The following KDM6A variants were observed in gnomAD, a reference collection of about 807,000 sequenced individuals.
The protein encoded by KDM6A is lysine-specific demethylase 6A.
KDM6A carries 11 observed loss-of-function variants against 117.6 expected under a neutral mutation model. That is an observed-to-expected ratio of 0.09 (90% CI 0.06 to 0.15). The LOEUF is 0.15. Among genes scored for constraint, KDM6A ranks in the 10% least tolerant of loss-of-function variants. KDM6A has a pLI of 1.00. For synonymous variants in KDM6A, 384 were observed against 396.1 expected, an observed-to-expected ratio of 0.97 and a Z score of 0.36; for missense variants, 799 against 1,077.3, an observed-to-expected ratio of 0.74 and a Z score of 3.62.
At chrX:44,993,423 T>C (rs1460765182) in intron 4 of KDM6A, among the ~76,000 whole-genome samples, 1 of 110,520 alleles carries the variant, frequency 9.0e-6, no homozygotes, top group African/African-American at 3.3e-5. Context: ...TTGCCCAGGC[T>C]GGTCTCAAAC....
At chrX:44,954,862 C>T (rs188486164) in intron 2 of KDM6A, among the ~76,000 whole-genome samples, 1 of 110,720 alleles carries the variant, frequency 9.0e-6, no homozygotes, top group African/African-American at 3.3e-5. Flanking sequence ...GTGGCAGTAA[C>T]GGTGTAGTAC....
intron 8 of KDM6A, among the ~76,000 whole-genome samples, chrX:45,038,660 TA>T (rs2147802074): frequency 9.2e-6 from 1 of 109,099 alleles, no homozygotes; most frequent in Non-Finnish European, 1.9e-5. Context: ...ACGTGGGGCT[TA>T]AAACCTAGAT....
chrX:45,098,040 T>C (rs762352938), intron 27 of KDM6A, among the ~76,000 whole-genome samples: 11 of 112,192 alleles, frequency 9.8e-5, no homozygotes, highest in Non-Finnish European at 2.1e-4. Context: ...ACTTTCTCTT[T>C]TGACTTCATT....
At position 45,079,330 on chromosome X, in the gene KDM6A, C is replaced by T. The variant is rs2148121996; in HGVS notation, c.3279C>T (p.Ser1093=). Residue 1093 remains serine, a synonymous_variant, in exon 21 of 30, where the codon TCC becomes TCT. Transcript: ENST00000611820. ...CTAAATATGCACAGTACCAGGCCTC[C>T]TCATTCCAGGAATCATTGAGAGTAA... ...TIAKYAQYQA[S]SFQESLREEN... is the part of the protein sequence containing the mutation. The T allele has an allele frequency of 8.5e-7, 1 of 1,177,470 alleles. No homozygotes were observed. Among genetic ancestry groups the T allele is most frequent in the Non-Finnish European group, 1.2e-6 (1 of 864,494 alleles).
chrX:45,011,832 C>T (rs988015493), intron 5 of KDM6A, among the ~76,000 whole-genome samples: 3 of 110,985 alleles, frequency 2.7e-5, no homozygotes, highest in African/African-American at 9.9e-5. Flanking sequence ...GTTGCCCAGG[C>T]TGGAGTGCAG....
chrX:44,949,238 T>A (rs1258784293), intron 2 of KDM6A, among the ~76,000 whole-genome samples: 8 of 109,964 alleles, frequency 7.3e-5, no homozygotes, highest in Admixed American at 4.9e-4. Flanking sequence ...ACAAAAAAAA[T>A]ACAAAAATTA....
intron 2 of KDM6A, among the ~76,000 whole-genome samples, chrX:44,911,027 G>A (rs1334491627): frequency 1.2e-4 from 14 of 112,332 alleles, no homozygotes; most frequent in Middle Eastern, 4.6e-3. Flanking sequence ...CCTCCCAGAC[G>A]GGGTGGCGGC....
Position 45,070,260 on chromosome X carries a change from G to T in KDM6A, c.2761G>T (p.Asp921Tyr), listed in dbSNP as rs1225373330. ...MEESQSPMKT[D>Y]LLLVNHKPSP... ...AGAATCTCAGAGCCCCATGAAAACA[G>T]ATCTGCTTCTGGTTAACCACAAACC... Residue 921 changes from aspartate (D) to tyrosine (Y), a missense_variant, in exon 18 of 30, where the codon GAT (aspartate) becomes TAT (tyrosine). Coordinates refer to ENST00000611820, the MANE Select transcript of KDM6A (RefSeq NM_001291415.2). The T allele has an allele frequency of 1.7e-6, 2 of 1,210,073 alleles. No individual in the cohort carries two copies. The highest frequency in any genetic ancestry group is 2.2e-6 in the Non-Finnish European group (2 of 894,090).
intron 17 of KDM6A, among the ~76,000 whole-genome samples, chrX:45,064,620 G>A (rs1219897873): frequency 8.9e-6 from 1 of 111,855 alleles, no homozygotes; most frequent in East Asian, 2.8e-4. Flanking sequence ...TACTCGCTGA[G>A]GTGAAACTGA....
intron 4 of KDM6A, among the ~76,000 whole-genome samples, chrX:44,993,382 T>A (rs1210661626): frequency 9.1e-6 from 1 of 110,427 alleles, no homozygotes; most frequent in Non-Finnish European, 1.9e-5. Context: ...TTTAATTGCT[T>A]TTTTTTTATT....
chrX:44,879,200 C>T (rs1359631259), intron 2 of KDM6A, among the ~76,000 whole-genome samples: 1 of 112,203 alleles, frequency 8.9e-6, no homozygotes, highest in Non-Finnish European at 1.9e-5. Context: ...TACCAATATT[C>T]TGCATCTTTG....
At chrX:44,977,977 A>G (rs1249155668) in intron 4 of KDM6A, among the ~76,000 whole-genome samples, 1 of 111,981 alleles carries the variant, frequency 8.9e-6, no homozygotes, top group East Asian at 2.8e-4. Context: ...CATTAGTTGA[A>G]GCTACTGTTG....
chrX:44,948,753 A>G (rs1465780487), intron 2 of KDM6A, among the ~76,000 whole-genome samples: 3 of 112,444 alleles, frequency 2.7e-5, no homozygotes, highest in Non-Finnish European at 5.6e-5. Flanking sequence ...GAAAAGAACT[A>G]TTTATGATGT....
At chrX:45,013,883 T>G (rs2041866853) in intron 5 of KDM6A, among the ~76,000 whole-genome samples, 1 of 112,379 alleles carries the variant, frequency 8.9e-6, no homozygotes. Context: ...GAGTACAGCC[T>G]TAATTGATTG....
intron 8 of KDM6A, among the ~76,000 whole-genome samples, chrX:45,039,795 C>T (rs1423739440): frequency 2.0e-5 from 1 of 49,225 alleles, no homozygotes; most frequent in African/African-American, 7.8e-5. Flanking sequence ...TGAGTGGACA[C>T]AGCACATGTT....
At chrX:45,013,350 G>A (rs2041843214) in intron 5 of KDM6A, among the ~76,000 whole-genome samples, 1 of 111,591 alleles carries the variant, frequency 9.0e-6, no homozygotes, top group South Asian at 3.8e-4. Flanking sequence ...CACCTGAGGG[G>A]AGGAACTCTT....
At chrX:44,919,660 A>G (rs1361564431) in intron 2 of KDM6A, among the ~76,000 whole-genome samples, 11 of 56,170 alleles carry the variant, frequency 2.0e-4, no homozygotes, top group African/African-American at 1.6e-3. Context: ...TTTTTTTTTG[A>G]GATGGGGTCC....
rs750308841 is a variant in KDM6A at position 45,020,682 on chromosome X, A to G, written c.516A>G (p.Arg172=). Residue 172 remains arginine (R), a synonymous_variant, in exon 6 of 30, where the codon CGA becomes CGG. Coordinates refer to ENST00000611820, the MANE Select transcript of KDM6A (RefSeq NM_001291415.2). ...SFCRAKEIHL[R]LGLMFKVNTD... is the part of the protein sequence containing the mutation. ...GTCGAGCCAAGGAAATTCATTTACG[A>G]CTTGGGCTTATGTTCAAAGTGAACA... The G allele has an allele frequency of 1.7e-6, 2 of 1,209,678 alleles. No individual in the cohort carries two copies.
intron 25 of KDM6A, chrX:45,086,279 G>A (rs181338760): frequency 3.3e-5 from 8 of 242,906 alleles, no homozygotes; most frequent in African/African-American, 2.0e-4. Context: ...TGAAATGTGT[G>A]TATTCCAAGA....
Sources: allele counts gnomAD v4.1 joint callset (sites outside exome capture counted in the v4.1 genomes callset), GRCh38; gene constraint gnomAD v4.1.1; transcripts MANE v1.5; gene names NCBI Gene and HGNC (gene_info 2026-07-23, HGNC 2026-07-21).